Variants in ASDURF observed in about 807,000 individuals in gnomAD.
ASDURF encodes the protein ASDURF protein.
Under a neutral mutation model 3.3 loss-of-function variants are expected in ASDURF, and 3 were observed. That is an observed-to-expected ratio of 0.92 (90% CI 0.42 to 2.37). The LOEUF is 2.37. Among genes scored for constraint, ASDURF ranks in the 30% most tolerant of loss-of-function variants. ASDURF has a pLI of 0.05. For synonymous variants in ASDURF, 11 were observed against 8.3 expected (o/e 1.32, Z -0.55); for missense variants, 23 against 25.4 (o/e 0.90, Z 0.21).
rs1254218394 is a variant in ASDURF at position 189,665,634 on chromosome 2, A to ATG, written c.220+184_220+185insGT. On this transcript the variant is annotated intron_variant, in intron 3 of 3. Coordinates refer to ENST00000607829, the MANE Select transcript of ASDURF (RefSeq NM_001353493.2). ...TATATATATATATATATATATATAT[A>ATG]TATATATATATATTATAAATGTTTT... is the stretch of plus-strand genomic sequence containing the variant. Among the ~76,000 whole-genome samples, 3 of 124,596 alleles carry ATG rather than the reference A, an allele frequency of 2.4e-5. No individual in the cohort carries two copies. The South Asian group carries it at 7.5e-4, about 31-fold the overall frequency. 81.7% of individuals were successfully genotyped at this position (124,596 alleles called of 152,430 possible). A position where few individuals can be genotyped will look rare whatever the true frequency, so the allele number is the denominator to read the frequency against.
intron 3 of ASDURF, 118 bp from the exon 4 acceptor site, chr2:189,665,923 A>AGT: frequency 2.1e-6 from 1 of 476,116 alleles, no homozygotes; most frequent in Non-Finnish European, 3.7e-6. Context: ...GTACTGGCAC[A>AGT]GTGTGTGTGT....
In ASDURF at chr2:189,666,217, C is replaced by T. The variant is rs1459331493; in HGVS notation, c.*106C>T. Reference sequence around the variant, plus strand: ...AGAGGACTTACTATATAATCTTAAACAGCGGGGACCCAATAGTAGTAAACA... The same window carrying T: ...AGAGGACTTACTATATAATCTTAAATAGCGGGGACCCAATAGTAGTAAACA... On this transcript the variant is annotated 3_prime_UTR_variant, in exon 4 of 4. Coordinates refer to ENST00000607829, the MANE Select transcript of ASDURF (RefSeq NM_001353493.2). 1 of 1,613,586 alleles carries T rather than the reference C, an allele frequency of 6.2e-7. No individual in the cohort carries two copies. The highest frequency in any genetic ancestry group is 1.1e-5 in the South Asian group (1 of 90,864).
At chr2:189,663,267 T>A (rs1268374133) in intron 1 of ASDURF, among the ~76,000 whole-genome samples, 1 of 152,038 alleles carries the variant, frequency 6.6e-6, no homozygotes, top group Non-Finnish European at 1.5e-5. Flanking sequence ...TTATTTATTT[T>A]TTTGAGACGG....
intron 1 of ASDURF, among the ~76,000 whole-genome samples, chr2:189,662,301 G>A (rs1366770777): frequency 6.6e-6 from 1 of 152,192 alleles, no homozygotes; most frequent in Admixed American, 6.5e-5. Context: ...GAGGGTTATA[G>A]CCCTTCAGGT....
intron 1 of ASDURF, among the ~76,000 whole-genome samples, chr2:189,663,167 AAATCTAAATCACAACTTAATTTTC>A (rs1345592340): frequency 5.3e-4 from 80 of 151,680 alleles, no homozygotes; most frequent in Non-Finnish European, 9.1e-4. Flanking sequence ...GCTTTTTTTT[AAATCTAAATCACAACTTAATTTTC>A]AATCTAAATC....
chr2:189,664,746 C>CAA (rs545748114), intron 2 of ASDURF, among the ~76,000 whole-genome samples: 12 of 123,092 alleles, frequency 9.7e-5, no homozygotes, highest in South Asian at 5.1e-4. Flanking sequence ...GACTCCTTCT[C>CAA]AAAAAAAAAA....
chr2:189,664,401 G>T (rs2032740417), intron 2 of ASDURF, among the ~76,000 whole-genome samples: 1 of 152,192 alleles, frequency 6.6e-6, no homozygotes, highest in Non-Finnish European at 1.5e-5. Context: ...GTGTAACATG[G>T]TTATTTAATG....
chr2:189,663,789 G>A (rs1339470021), intron 1 of ASDURF, 112 bp from the exon 2 acceptor site: 1 of 344,630 alleles, frequency 2.9e-6, no homozygotes, highest in African/African-American at 2.1e-5. Context: ...TGGAAAACCA[G>A]TACATCATAG....
intron 2 of ASDURF, among the ~76,000 whole-genome samples, chr2:189,664,358 C>T (rs2032739358): frequency 1.3e-5 from 2 of 152,182 alleles, no homozygotes; most frequent in Admixed American, 1.3e-4. Context: ...CTTCCCCTCC[C>T]TCCAAAAAAT....
Position 189,666,364 on chromosome 2 carries a change from G to T in ASDURF, c.*253G>T, listed in dbSNP as rs1472849676. 6.2e-7 allele frequency: 1 copy of T among 1,613,814 alleles called. No individual in the cohort carries two copies. The highest frequency in any genetic ancestry group is 8.5e-7 in the Non-Finnish European group (1 of 1,179,804). On this transcript the variant is annotated 3_prime_UTR_variant, in exon 4 of 4. Coordinates refer to ENST00000607829, the MANE Select transcript of ASDURF (RefSeq NM_001353493.2). ...AGGCAATGTGTTTCTATGGAATGGA[G>T]AAATTTTTAGTGGAATAAAGGTTGA...
chr2:189,665,568 G>A (rs2032766165), intron 3 of ASDURF, 117 bp downstream of exon 3: 1 of 246,864 alleles, frequency 4.1e-6, no homozygotes, highest in South Asian at 1.8e-4. Context: ...TTAGGCTTCC[G>A]AAGATGAGTC....
At chr2:189,661,759 CCA>C in intron 1 of ASDURF, 149 bp downstream of exon 1, 1 of 397,366 alleles carries the variant, frequency 2.5e-6, no homozygotes, top group Non-Finnish European at 4.4e-6. Context: ...CACTTGACAG[CCA>C]CAGTTAGTCC....
At chr2:189,662,399 C>A (rs1287275943) in intron 1 of ASDURF, among the ~76,000 whole-genome samples, 1 of 152,166 alleles carries the variant, frequency 6.6e-6, no homozygotes, top group Non-Finnish European at 1.5e-5. Context: ...GTATCAGTTA[C>A]CTTCTTTGAA....
chr2:189,666,211 C>T lies in ASDURF; in HGVS notation c.*100C>T, dbSNP rs766556761. 2 of 1,613,236 alleles carry T rather than the reference C, an allele frequency of 1.2e-6. No homozygotes were observed. The highest frequency in any genetic ancestry group is 1.7e-6 in the Non-Finnish European group (2 of 1,179,790). ...TTTAAAAGAGGACTTACTATATAAT[C>T]TTAAACAGCGGGGACCCAATAGTAG... On this transcript the variant is annotated 3_prime_UTR_variant, in exon 4 of 4. Coordinates refer to ENST00000607829, the MANE Select transcript of ASDURF (RefSeq NM_001353493.2).
chr2:189,665,630 A>ATATATATATATATATG (rs1559034495), intron 3 of ASDURF, among the ~76,000 whole-genome samples, 179 bp downstream of exon 3: 5 of 97,550 alleles, frequency 5.1e-5, no homozygotes, highest in African/African-American at 1.9e-4. Flanking sequence ...ATATATATAT[A>ATATATATATATATATG]TATATATATA....
At position 189,665,618 on chromosome 2, in the gene ASDURF, A is replaced by G. The variant is rs1181629767; in HGVS notation, c.220+167A>G. ...TATGTGTATATATATATATATATATATATATATATATATATATATATATAT... is the reference window on the plus strand; with the variant it reads ...TATGTGTATATATATATATATATATGTATATATATATATATATATATATAT... On this transcript the variant is annotated intron_variant, in intron 3 of 3. Coordinates refer to ENST00000607829, the MANE Select transcript of ASDURF (RefSeq NM_001353493.2). 9.1e-3 allele frequency among the ~76,000 whole-genome samples: 994 copies of G among 108,666 alleles called. 40 individuals carry two copies. Among genetic ancestry groups the G allele is most frequent in the Admixed American group, 0.018 (203 of 11,472 alleles). The allele number at this position is 108,666 out of a possible 152,430, so 71.3% of individuals were successfully genotyped here. A position where few individuals can be genotyped will look rare whatever the true frequency, so the allele number is the denominator to read the frequency against.
chr2:189,663,550 G>A (rs1030262952), intron 1 of ASDURF, among the ~76,000 whole-genome samples: 3 of 152,180 alleles, frequency 2.0e-5, no homozygotes, highest in Non-Finnish European at 4.4e-5. Context: ...ACCGCACCCG[G>A]CCTGGTGTAT....
At chr2:189,665,065 G>T (rs1317362155) in intron 2 of ASDURF, among the ~76,000 whole-genome samples, 1 of 152,014 alleles carries the variant, frequency 6.6e-6, no homozygotes, top group Non-Finnish European at 1.5e-5. Flanking sequence ...TTGGCATTTT[G>T]GTGTTCTTGT....
At position 189,666,221 on chromosome 2, in the gene ASDURF, G is replaced by A. The variant is rs765679662; in HGVS notation, c.*110G>A. Reference sequence around the variant, plus strand: ...GACTTACTATATAATCTTAAACAGCGGGGACCCAATAGTAGTAAACAATTG... The same window carrying A: ...GACTTACTATATAATCTTAAACAGCAGGGACCCAATAGTAGTAAACAATTG... On this transcript the variant is annotated 3_prime_UTR_variant, in exon 4 of 4. Coordinates refer to ENST00000607829, the MANE Select transcript of ASDURF (RefSeq NM_001353493.2). 15 of 1,613,672 alleles carry A rather than the reference G, an allele frequency of 9.3e-6. No individual in the cohort carries two copies. Among genetic ancestry groups the A allele is most frequent in the East Asian group, 4.5e-5 (2 of 44,884 alleles).
Sources: allele counts gnomAD v4.1 joint callset (sites outside exome capture counted in the v4.1 genomes callset), GRCh38; gene constraint gnomAD v4.1.1; transcripts MANE v1.5; gene names NCBI Gene and HGNC (gene_info 2026-07-23, HGNC 2026-07-21).